AUTS2: variants seen among roughly 807,000 people sequenced by gnomAD.
AUTS2 encodes the protein autism susceptibility gene 2 protein.
Under a neutral mutation model 112.4 loss-of-function variants are expected in AUTS2, and 17 were observed. The ratio of observed to expected loss-of-function variants is 0.15; its 90% CI spans 0.10 to 0.23. AUTS2 has a LOEUF of 0.23. AUTS2 is among the 10% of genes least tolerant of loss of function. The pLI, the probability that AUTS2 is intolerant of heterozygous loss-of-function variation, is 1.00. For synonymous variants in AUTS2, 751 were observed against 702.7 expected (o/e 1.07, Z -1.09); for missense variants, 1,510 against 1,701.6 (o/e 0.89, Z 1.98).
At chr7:69,885,330 C>T (rs13224215) in intron 1 of AUTS2, among the ~76,000 whole-genome samples, 7,441 of 152,146 alleles carry the variant, frequency 0.049, 245 homozygotes, top group Non-Finnish European at 0.07. Context: ...TGCCACTTTT[C>T]ACCTCTTAAA....
At chr7:70,786,672 C>A (rs1323315868) in intron 17 of AUTS2, among the ~76,000 whole-genome samples, 3 of 152,134 alleles carry the variant, frequency 2.0e-5, no homozygotes, top group Non-Finnish European at 4.4e-5. Context: ...ATTCCGGGTA[C>A]AGGAAGAGCT....
intron 1 of AUTS2, among the ~76,000 whole-genome samples, chr7:69,884,138 A>G (rs923556551): frequency 6.6e-6 from 1 of 152,208 alleles, no homozygotes; most frequent in East Asian, 1.9e-4. Context: ...TTTCTAAGGT[A>G]GATACCTGTG....
intron 16 of AUTS2, chr7:70,785,300 T>C (rs1246513090): frequency 3.3e-6 from 2 of 607,124 alleles, no homozygotes; most frequent in African/African-American, 3.6e-5. Flanking sequence ...CCTTGGTATC[T>C]CAGGGAATCC....
chr7:69,817,414 CT>C (rs1790810632), intron 1 of AUTS2, among the ~76,000 whole-genome samples: 2 of 152,276 alleles, frequency 1.3e-5, no homozygotes, highest in South Asian at 4.1e-4. Flanking sequence ...TGTGTATAAC[CT>C]CTTTGAGGAG....
At chr7:70,337,447 A>T (rs773600742) in intron 4 of AUTS2, among the ~76,000 whole-genome samples, 1 of 152,224 alleles carries the variant, frequency 6.6e-6, no homozygotes, top group African/African-American at 2.4e-5. Context: ...AGCTTTCAAG[A>T]TGACAAAGAT....
chr7:70,035,698 G>A (rs1025846126), intron 2 of AUTS2, among the ~76,000 whole-genome samples: 1 of 152,144 alleles, frequency 6.6e-6, no homozygotes, highest in African/African-American at 2.4e-5. Context: ...GGAACCAGCT[G>A]GTTCTTTATT....
At chr7:70,409,841 C>T (rs1562941148) in intron 4 of AUTS2, among the ~76,000 whole-genome samples, 1 of 152,134 alleles carries the variant, frequency 6.6e-6, no homozygotes, top group African/African-American at 2.4e-5. Context: ...TTCGGTACAC[C>T]TTTATAAGTT....
intron 4 of AUTS2, among the ~76,000 whole-genome samples, chr7:70,296,171 T>G (rs10234614): frequency 0.32 from 48,784 of 152,032 alleles, 8,327 homozygotes; most frequent in African/African-American, 0.44. Flanking sequence ...AGGCCTTTGG[T>G]ATTCCTGTCT....
At chr7:70,362,161 C>T (rs1053419870) in intron 4 of AUTS2, among the ~76,000 whole-genome samples, 1 of 152,164 alleles carries the variant, frequency 6.6e-6, no homozygotes, top group Non-Finnish European at 1.5e-5. Context: ...AGGAATGGTT[C>T]CTTTTAACAT....
At chr7:69,979,412 A>G (rs983763528) in intron 2 of AUTS2, among the ~76,000 whole-genome samples, 1 of 152,230 alleles carries the variant, frequency 6.6e-6, no homozygotes, top group Non-Finnish European at 1.5e-5. Flanking sequence ...TTGACAGCTC[A>G]AATAACCCTT....
intron 1 of AUTS2, among the ~76,000 whole-genome samples, chr7:69,702,150 G>T (rs778785363): frequency 3.9e-5 from 6 of 152,160 alleles, no homozygotes; most frequent in South Asian, 4.1e-4. Context: ...GTTCCCCTTG[G>T]ATGCTCATGT....
chr7:69,908,635 C>T (rs549660329), intron 2 of AUTS2, among the ~76,000 whole-genome samples: 1 of 152,340 alleles, frequency 6.6e-6, no homozygotes, highest in Admixed American at 6.5e-5. Flanking sequence ...GCTGCCACTT[C>T]TCCTATGTGC....
chr7:69,842,020 G>A (rs1456696420), intron 1 of AUTS2, among the ~76,000 whole-genome samples: 3 of 152,120 alleles, frequency 2.0e-5, no homozygotes, highest in Admixed American at 2.0e-4. Flanking sequence ...TAAATAGTAG[G>A]CATATGGGTG....
chr7:70,755,271 T>G (rs1214840837), intron 6 of AUTS2, among the ~76,000 whole-genome samples: 1 of 151,946 alleles, frequency 6.6e-6, no homozygotes, highest in Non-Finnish European at 1.5e-5. Flanking sequence ...TAACTTTTTT[T>G]TTTTTTAAAC....
intron 4 of AUTS2, among the ~76,000 whole-genome samples, chr7:70,244,529 G>C (rs1013840880): frequency 6.6e-6 from 1 of 152,172 alleles, no homozygotes; most frequent in African/African-American, 2.4e-5. Context: ...GGATTCAATA[G>C]TAAAGATGCT....
intron 1 of AUTS2, among the ~76,000 whole-genome samples, chr7:69,755,685 T>C (rs1312501087): frequency 6.6e-6 from 1 of 152,206 alleles, no homozygotes; most frequent in African/African-American, 2.4e-5. Context: ...CTATTGGTTA[T>C]TATTACTCAT....
intron 2 of AUTS2, among the ~76,000 whole-genome samples, chr7:69,968,991 G>A (rs117607805): frequency 3.5e-4 from 53 of 152,014 alleles, no homozygotes; most frequent in South Asian, 6.2e-4. Flanking sequence ...AACTATTAAA[G>A]CTATTATAAG....
intron 4 of AUTS2, among the ~76,000 whole-genome samples, chr7:70,169,052 C>A (rs1430972859): frequency 6.6e-6 from 1 of 151,978 alleles, no homozygotes; most frequent in Non-Finnish European, 1.5e-5. Flanking sequence ...ATGTCCTTGG[C>A]AGATTTAGAT....
At chr7:69,927,195 T>C (rs1796053545) in intron 2 of AUTS2, among the ~76,000 whole-genome samples, 1 of 147,552 alleles carries the variant, frequency 6.8e-6, no homozygotes, top group Non-Finnish European at 1.5e-5. Flanking sequence ...TTTATATATA[T>C]ATATATATAT....
Sources: gnomAD v4.1 joint callset for allele counts (sites outside exome capture counted in the v4.1 genomes callset) on GRCh38, gnomAD v4.1.1 for gene constraint, MANE v1.5 for transcripts, NCBI Gene and HGNC (gene_info 2026-07-23, HGNC 2026-07-21) for gene names.